The following GOLGA4 variants were observed in gnomAD, a reference collection of about 807,000 sequenced individuals.
The protein encoded by GOLGA4 is golgin A4.
A neutral mutation model predicts 265.9 loss-of-function variants in GOLGA4; 169 were observed. The observed-to-expected ratio is 0.64, with a 90% CI of 0.56 to 0.72. The LOEUF (loss-of-function observed/expected upper bound fraction) is 0.72, where lower values mean the gene tolerates loss of function less well. GOLGA4 is among the 30% of genes least tolerant of loss of function. The pLI is 0.00. For synonymous variants in GOLGA4, 923 were observed against 855.8 expected (o/e 1.08, Z -1.37); for missense variants, 2,482 against 2,483.4 (o/e 1.00, Z 0.01).
Position 37,281,999 on chromosome 3 carries a change from G to A in GOLGA4, c.204G>A (p.Arg68=), listed in dbSNP as rs1396591150. ...CTTTTGCACAGAAGCTCCAGCTCCG[G>A]GTGCCCTCCGTGGAGTCTTTGTTTC... ...TQSFAQKLQL[R]VPSVESLFRS... is the part of the protein sequence containing the mutation. The change falls in exon 3 of 24, where the codon CGG becomes CGA. Residue 68 remains arginine, a synonymous_variant. Coordinates refer to ENST00000361924, the MANE Select transcript of GOLGA4 (RefSeq NM_002078.5). 1 of 1,613,934 alleles carries A rather than the reference G, an allele frequency of 6.2e-7. No homozygotes were observed. Among genetic ancestry groups the A allele is most frequent in the South Asian group, 1.1e-5 (1 of 91,082 alleles).
At chr3:37,343,896 C>T (rs1030984275) in intron 20 of GOLGA4, among the ~76,000 whole-genome samples, 2 of 152,192 alleles carry the variant, frequency 1.3e-5, no homozygotes, top group African/African-American at 4.8e-5. Flanking sequence ...CATCACTTTT[C>T]GCCAGATTTT....
intron 10 of GOLGA4, among the ~76,000 whole-genome samples, chr3:37,303,111 A>G (rs2096897321): frequency 6.6e-6 from 1 of 152,218 alleles, no homozygotes; most frequent in Non-Finnish European, 1.5e-5. Flanking sequence ...TCAGCTGAAA[A>G]CCATTCTTGC....
At chr3:37,364,727 C>G (rs1696614377) in intron 23 of GOLGA4, among the ~76,000 whole-genome samples, 1 of 151,554 alleles carries the variant, frequency 6.6e-6, no homozygotes, top group Non-Finnish European at 1.5e-5. Context: ...GCTGGGACCA[C>G]AGACACATGC....
At chr3:37,293,743 C>T (rs1340049087) in intron 5 of GOLGA4, among the ~76,000 whole-genome samples, 1 of 152,146 alleles carries the variant, frequency 6.6e-6, no homozygotes, top group Non-Finnish European at 1.5e-5. Flanking sequence ...GCCAGGAGCC[C>T]TAAAGCCATG....
intron 5 of GOLGA4, among the ~76,000 whole-genome samples, chr3:37,290,373 T>A (rs990427772): frequency 1.3e-5 from 2 of 152,222 alleles, no homozygotes; most frequent in Non-Finnish European, 2.9e-5. Flanking sequence ...TACTAAAGTT[T>A]TATTCTTATT....
In GOLGA4 at chr3:37,260,130, C is replaced by T. The variant is rs145441327; in HGVS notation, c.162+8646C>T. Among the ~76,000 whole-genome samples the T allele has an allele frequency of 4.9e-3, 707 of 143,966 alleles. 4 individuals are homozygous for T. The highest frequency in any genetic ancestry group is 0.032 in the Middle Eastern group (9 of 284). 94.4% of individuals were successfully genotyped at this position (143,966 alleles called of 152,430 possible). A position where few individuals can be genotyped will look rare whatever the true frequency, so the allele number is the denominator to read the frequency against. ...ATTGTCTTGGGCCACACATCAAATACGCTAACACTAATAATAGTTGATGAG... is the reference window on the plus strand; with the variant it reads ...ATTGTCTTGGGCCACACATCAAATATGCTAACACTAATAATAGTTGATGAG... On this transcript the variant is annotated intron_variant, in intron 2 of 23. Coordinates refer to ENST00000361924, the MANE Select transcript of GOLGA4 (RefSeq NM_002078.5).
rs752004856 is a variant in GOLGA4, at chr3:37,315,636, T to G, written c.1413+38T>G. 16 of 1,533,200 alleles carry G rather than the reference T, an allele frequency of 1.0e-5. No individual in the cohort carries two copies. The East Asian group carries it at 3.4e-4, about 32-fold the overall frequency. The allele number at this position is 1,533,200 out of a possible 1,614,324, so 95.0% of individuals were successfully genotyped here. On this transcript the variant is annotated intron_variant, in intron 11 of 23. Transcript: ENST00000361924. ...CTGTAATGAAATGGGCTACAACAAA[T>G]TTGAAATTTAAGTGTATTTTTCCTT...
At chr3:37,303,762 T>C (rs1263909953) in intron 10 of GOLGA4, among the ~76,000 whole-genome samples, 1 of 152,238 alleles carries the variant, frequency 6.6e-6, no homozygotes, top group Non-Finnish European at 1.5e-5. Context: ...CTGCTTCTGC[T>C]GACGCTTATT....
intron 1 of GOLGA4, chr3:37,243,954 A>C (rs1482022604): frequency 6.8e-6 from 2 of 292,854 alleles, no homozygotes; most frequent in South Asian, 6.0e-5. Flanking sequence ...TTTCCCACTC[A>C]TCTGAGACCC....
chr3:37,286,886 C>T (rs1345534604), intron 4 of GOLGA4, among the ~76,000 whole-genome samples: 6 of 152,162 alleles, frequency 3.9e-5, no homozygotes, highest in East Asian at 3.9e-4. Flanking sequence ...CTATTATATT[C>T]AGGGTGACCC....
Position 37,282,230 on chromosome 3 carries a change from A to G in GOLGA4, c.435A>G (p.Arg145=). 6.2e-7 allele frequency: 1 copy of G among 1,614,192 alleles called. No individual in the cohort carries two copies. Among genetic ancestry groups the G allele is most frequent in the Non-Finnish European group, 8.5e-7 (1 of 1,180,018 alleles). The change falls in exon 3 of 24, where the codon AGA becomes AGG. Residue 145 remains arginine, a synonymous_variant. Transcript: ENST00000361924. ...NKEQLIQRLR[R]MERSLSSYRG... ...AACAGTTGATTCAGCGGTTGCGAAG[A>G]ATGGAACGAAGCTTAAGTAGCTACA...
intron 2 of GOLGA4, among the ~76,000 whole-genome samples, chr3:37,279,847 C>T (rs747673532): frequency 9.3e-5 from 14 of 151,198 alleles, no homozygotes; most frequent in Non-Finnish European, 1.3e-4. Context: ...TTGGAGGTTG[C>T]AGTGAGCTGA....
At chr3:37,294,957 T>G (rs1293101519) in intron 5 of GOLGA4, 22 bp from the exon 6 acceptor site, 3 of 1,498,592 alleles carry the variant, frequency 2.0e-6, no homozygotes. Flanking sequence ...GAAAATTACC[T>G]GTAAATCATT....
At chr3:37,329,565 T>C (rs779826116) in intron 16 of GOLGA4, among the ~76,000 whole-genome samples, 1 of 152,194 alleles carries the variant, frequency 6.6e-6, no homozygotes, top group Admixed American at 6.5e-5. Flanking sequence ...TGGAGGTTGA[T>C]TGGTCTCAAG....
intron 2 of GOLGA4, among the ~76,000 whole-genome samples, chr3:37,277,082 A>G (rs1292692362): frequency 2.6e-5 from 4 of 152,162 alleles, no homozygotes; most frequent in Non-Finnish European, 5.9e-5. Context: ...ATACTTGACC[A>G]GCTTATCTAA....
intron 9 of GOLGA4, 77 bp downstream of exon 9, chr3:37,299,448 T>G (rs1484714796): frequency 3.7e-6 from 3 of 813,552 alleles, no homozygotes; most frequent in African/African-American, 3.4e-5. Context: ...TTGGAAACAT[T>G]CATGCTTGTT....
chr3:37,248,966 T>C (rs1282755229), intron 1 of GOLGA4, among the ~76,000 whole-genome samples: 2 of 152,210 alleles, frequency 1.3e-5, no homozygotes, highest in Non-Finnish European at 2.9e-5. Flanking sequence ...AGTTGATTAG[T>C]CAAGAGGTAT....
chr3:37,313,535 C>T (rs1180307953), intron 10 of GOLGA4: 2 of 152,100 alleles, frequency 1.3e-5, no homozygotes, highest in African/African-American at 2.4e-5. Context: ...ATTACACACC[C>T]ATCTTGAAAA....
At position 37,275,944 on chromosome 3, in the gene GOLGA4, A is replaced by G. The variant is rs1429869399; in HGVS notation, c.163-6014A>G. The G allele has an allele frequency of 1.9e-6, 3 of 1,613,712 alleles. No homozygotes were observed. In the Admixed American group the frequency reaches 5.0e-5, roughly 27 times the overall value. ...TATTAGATGGGCCATCAACTGAGAAAGACCTTGACGAAAAGAAGAAAGAAC... is the reference window on the plus strand; with the variant it reads ...TATTAGATGGGCCATCAACTGAGAAGGACCTTGACGAAAAGAAGAAAGAAC... On this transcript the variant is annotated intron_variant, in intron 2 of 23. Coordinates refer to ENST00000361924, the MANE Select transcript of GOLGA4 (RefSeq NM_002078.5).
Sources: allele counts gnomAD v4.1 joint callset (sites outside exome capture counted in the v4.1 genomes callset), GRCh38; gene constraint gnomAD v4.1.1; transcripts MANE v1.5; gene names NCBI Gene and HGNC (gene_info 2026-07-23, HGNC 2026-07-21).